Variants in SLC38A12 observed in about 807,000 individuals in gnomAD.
SLC38A12 encodes the protein solute carrier family 38 member 12.
At chr17:74,810,906 CTCTCTTTCT>C in the SLC38A12 span, among the ~76,000 whole-genome samples, 445 of 152,370 alleles carry the variant, frequency 2.9e-3, 1 homozygote, top group Non-Finnish European at 5.0e-3. Context: ...ACGGCTCCTG[CTCTCTTTCT>C]CTGGCAGACG....
At chr17:74,785,974 G>GA in the SLC38A12 span, among the ~76,000 whole-genome samples, 2 of 152,194 alleles carry the variant, frequency 1.3e-5, no homozygotes, top group East Asian at 1.9e-4. Context: ...CCCAGCCACA[G>GA]AAAAAAGATC....
the SLC38A12 span, among the ~76,000 whole-genome samples, chr17:74,791,982 T>C: frequency 6.1e-5 from 9 of 146,734 alleles, no homozygotes; most frequent in African/African-American, 2.3e-4. Flanking sequence ...CTGTCTCTAC[T>C]AAAAATACAA....
At chr17:74,808,056 G>T in the SLC38A12 span, among the ~76,000 whole-genome samples, 1 of 152,230 alleles carries the variant, frequency 6.6e-6, no homozygotes, top group Non-Finnish European at 1.5e-5. Flanking sequence ...AACCACAAGG[G>T]TTGCAGCTCT....
At chr17:74,782,363 C>T in the SLC38A12 span, among the ~76,000 whole-genome samples, 4 of 152,146 alleles carry the variant, frequency 2.6e-5, no homozygotes, top group Non-Finnish European at 4.4e-5. Context: ...CCACCACACC[C>T]GGCCTGTAGT....
the SLC38A12 span, chr17:74,790,355 T>C: frequency 6.7e-7 from 1 of 1,484,236 alleles, no homozygotes; most frequent in Non-Finnish European, 9.4e-7. Context: ...GTTCCCTTTC[T>C]TCATGGAGAG....
chr17:74,838,694 G>C, the SLC38A12 span: 1 of 1,429,936 alleles, frequency 7.0e-7, no homozygotes. Context: ...GTCAGATGAG[G>C]TCACCTTCCT....
At chr17:74,835,076 C>T in the SLC38A12 span, among the ~76,000 whole-genome samples, 8 of 152,210 alleles carry the variant, frequency 5.3e-5, no homozygotes, top group African/African-American at 9.7e-5. Context: ...TAAAGGGCTG[C>T]GAACTGAAGC....
the SLC38A12 span, among the ~76,000 whole-genome samples, chr17:74,778,138 C>T: frequency 6.6e-6 from 1 of 152,190 alleles, no homozygotes; most frequent in Admixed American, 6.5e-5. Context: ...GTTTGGTGGA[C>T]TCTGCAATTA....
At chr17:74,837,981 G>C in the SLC38A12 span, 1 of 985,854 alleles carries the variant, frequency 1.0e-6, no homozygotes, top group Non-Finnish European at 1.2e-6. Context: ...TTTGAGTTCA[G>C]TGCCTTGCTC....
chr17:74,795,234 T>A, the SLC38A12 span: 2 of 817,284 alleles, frequency 2.4e-6, no homozygotes, highest in Non-Finnish European at 2.0e-6. Flanking sequence ...GGAATGCAGA[T>A]GCCCAGGCCC....
chr17:74,792,880 G>A, the SLC38A12 span, among the ~76,000 whole-genome samples: 10 of 152,216 alleles, frequency 6.6e-5, no homozygotes, highest in South Asian at 8.3e-4. Context: ...CATCCCTCCC[G>A]TCTCACCAGC....
the SLC38A12 span, among the ~76,000 whole-genome samples, chr17:74,825,170 C>T: frequency 7.9e-5 from 12 of 152,204 alleles, no homozygotes; most frequent in Non-Finnish European, 1.5e-4. Context: ...CAGACAGCCT[C>T]ATGTGCCAGC....
chr17:74,838,120 G>A, the SLC38A12 span: 7 of 985,658 alleles, frequency 7.1e-6, no homozygotes, highest in Admixed American at 6.1e-5. Flanking sequence ...CACGGGCTGC[G>A]CCACCTCTGC....
At chr17:74,805,429 G>A in the SLC38A12 span, among the ~76,000 whole-genome samples, 41 of 152,328 alleles carry the variant, frequency 2.7e-4, no homozygotes, top group African/African-American at 9.6e-4. This position sits in a 1 kb window ranked among gnomAD's most constrained non-coding sequence, Gnocchi z 5.0. Flanking sequence ...GGCTTCCCCT[G>A]TAGCTTCCTC....
the SLC38A12 span, among the ~76,000 whole-genome samples, chr17:74,822,690 A>AG: frequency 6.6e-6 from 1 of 152,260 alleles, no homozygotes; most frequent in Admixed American, 6.5e-5. Flanking sequence ...TCTGTGGCAC[A>AG]GCCCTCTCGC....
the SLC38A12 span, among the ~76,000 whole-genome samples, chr17:74,800,962 T>A: frequency 1.3e-5 from 2 of 152,202 alleles, no homozygotes; most frequent in Non-Finnish European, 2.9e-5. Flanking sequence ...GAGTGTCCCT[T>A]CCTGGGCAAC....
the SLC38A12 span, among the ~76,000 whole-genome samples, chr17:74,790,656 C>T: frequency 3.3e-5 from 5 of 152,118 alleles, no homozygotes; most frequent in African/African-American, 1.2e-4. Flanking sequence ...TTCCTCCTGC[C>T]TTGTGCCCTC....
At chr17:74,815,723 T>G in the SLC38A12 span, among the ~76,000 whole-genome samples, 1 of 152,064 alleles carries the variant, frequency 6.6e-6, no homozygotes, top group Admixed American at 6.5e-5. Context: ...TCAGCAGGCG[T>G]GAGTTGAGCG....
the SLC38A12 span, among the ~76,000 whole-genome samples, chr17:74,811,823 G>A: frequency 1.3e-5 from 2 of 152,166 alleles, no homozygotes; most frequent in African/African-American, 4.8e-5. Context: ...CTTGAGGCCA[G>A]GAGTTTGAGA....
Sources: gnomAD v4.1 joint callset for allele counts (sites outside exome capture counted in the v4.1 genomes callset) on GRCh38, gnomAD v4.1.1 for gene constraint, Gnocchi (gnomAD v3.1) non-coding constraint, MANE v1.5 for transcripts, NCBI Gene and HGNC (gene_info 2026-07-23, HGNC 2026-07-21) for gene names.